Variants in MICALL2 observed in about 807,000 individuals in gnomAD.
The protein encoded by MICALL2 is MICAL-like protein 2.
In MICALL2, 111 loss-of-function variants were observed where a neutral mutation model predicts 91.1. That is an observed-to-expected ratio of 1.22 (90% CI 1.04 to 1.43). MICALL2 has a LOEUF of 1.43. Ranked by LOEUF, MICALL2 falls within the 40% of genes most tolerant of loss-of-function variation. The probability of loss-of-function intolerance (pLI) is 0.00; values close to 1 mark genes in which losing one functional copy is unlikely to be tolerated. For missense variants in MICALL2, 1,556 were observed against 1,236.0 expected (o/e 1.26, Z -3.88); for synonymous variants, 694 against 525.3 (o/e 1.32, Z -4.39).
chr7:1,445,971 G>A (rs1780556209), intron 5 of MICALL2, among the ~76,000 whole-genome samples: 1 of 151,148 alleles, frequency 6.6e-6, no homozygotes, highest in African/African-American at 2.4e-5. Flanking sequence ...AGGCACAGAA[G>A]GGAGACTGAG....
At chr7:1,439,770 A>G in intron 9 of MICALL2, 155 bp downstream of exon 9, 1 of 546,882 alleles carries the variant, frequency 1.8e-6, no homozygotes, top group Non-Finnish European at 3.0e-6. Flanking sequence ...ACATGTACAC[A>G]CAAGCCTGCC....
chr7:1,458,101 A>C (rs887758856), intron 1 of MICALL2, among the ~76,000 whole-genome samples: 2 of 152,240 alleles, frequency 1.3e-5, no homozygotes, highest in African/African-American at 4.8e-5. Flanking sequence ...ACAACCTCAG[A>C]GCAGGGGCCG....
chr7:1,441,818 G>A (rs982540936), intron 7 of MICALL2: 16 of 274,640 alleles, frequency 5.8e-5, no homozygotes, highest in African/African-American at 2.7e-4. Context: ...GGCAGGAAGC[G>A]CAAAACACCA....
chr7:1,446,614 A>AGC, intron 5 of MICALL2, 99 bp downstream of exon 5: 1 of 661,128 alleles, frequency 1.5e-6, no homozygotes. Context: ...AGGAACGAGG[A>AGC]GCGGGGAGGA....
rs1276047157 is a variant in MICALL2, at chr7:1,440,305, T to C, written c.1806-220A>G. ...TGCGAAGCAGATTCCAGGCGTGAGC[T>C]CCGGGCCCCACGGGACCCACACATG... On this transcript the variant is annotated intron_variant, in intron 8 of 16. Coordinates refer to ENST00000297508, the MANE Select transcript of MICALL2 (RefSeq NM_182924.4). 9.2e-6 allele frequency: 6 copies of C among 650,028 alleles called. No homozygotes were observed. In the East Asian group the frequency reaches 1.4e-4, roughly 15 times the overall value. The allele number at this position is 650,028 out of a possible 1,614,324, so 40.3% of individuals were successfully genotyped here.
chr7:1,444,593 G>GC, intron 6 of MICALL2, 59 bp downstream of exon 6: 1 of 1,525,892 alleles, frequency 6.6e-7, no homozygotes, highest in Non-Finnish European at 8.8e-7. Flanking sequence ...GGCCTCCGGG[G>GC]CCCCGCTGGC....
intron 1 of MICALL2, 149 bp downstream of exon 1, chr7:1,459,035 A>C (rs1781117564): frequency 1.3e-6 from 1 of 764,942 alleles, no homozygotes; most frequent in Non-Finnish European, 2.0e-6. Flanking sequence ...GCCACTGAGG[A>C]CAGCCTCGGG....
chr7:1,453,429 T>C lies in MICALL2; in HGVS notation c.144-3141A>G, dbSNP rs187192908. ...GAGAGGCCGGGAAGATCCTCCCTCC[T>C]GCCCCCAGGAGGGCCCAGCCCTGCT... On this transcript the variant is annotated intron_variant, in intron 1 of 16. Transcript: ENST00000297508. 1.1e-3 allele frequency among the ~76,000 whole-genome samples: 165 copies of C among 152,228 alleles called. 1 individual carries two copies. Among genetic ancestry groups the C allele is most frequent in the African/African-American group, 3.7e-3 (153 of 41,568 alleles).
At chr7:1,443,671 G>A (rs531568294) in intron 6 of MICALL2, among the ~76,000 whole-genome samples, 10 of 152,314 alleles carry the variant, frequency 6.6e-5, no homozygotes, top group African/African-American at 2.4e-4. Flanking sequence ...GGAAACGGAG[G>A]CAGAGACTGG....
intron 4 of MICALL2, among the ~76,000 whole-genome samples, chr7:1,447,124 A>G (rs1780634339): frequency 1.3e-5 from 2 of 152,088 alleles, no homozygotes; most frequent in Non-Finnish European, 2.9e-5. Context: ...GATCCCATCC[A>G]ATTCCCACCA....
chr7:1,454,899 CA>C (rs1388870269), intron 1 of MICALL2, among the ~76,000 whole-genome samples: 7 of 152,206 alleles, frequency 4.6e-5, no homozygotes, highest in African/African-American at 1.7e-4. Flanking sequence ...CAGCCACCCC[CA>C]CTTCCTGGCC....
Position 1,440,081 on chromosome 7 carries a change from G to C in MICALL2, c.1810C>G (p.Leu604Val), listed in dbSNP as rs1780207193. 1.3e-6 allele frequency: 2 copies of C among 1,589,232 alleles called. No individual in the cohort carries two copies. Among genetic ancestry groups the C allele is most frequent in the African/African-American group, 1.4e-5 (1 of 72,938 alleles). The stretch of plus-strand genomic sequence containing the variant: ...AGGGCCCGTGGTTCCTTGGGCTTCA[G>C]AGTCCTGGGCAGAAGGCATGAGGTC... ...VDRRSPAERT[L>V]KPKEPRALAE... The change falls in exon 9 of 17, where the codon CTG (leucine) becomes GTG (valine). Residue 604 changes from leucine (L) to valine (V), a missense_variant. Coordinates refer to ENST00000297508, the MANE Select transcript of MICALL2 (RefSeq NM_182924.4).
chr7:1,444,765 T>G lies in MICALL2; in HGVS notation c.1305A>C (p.Arg435Ser). ...AVPPGTSLSG[R>S]GPTPSLVLSK... ...ATAGAACAAGTGACGGGGTGGGACC[T>G]CTGCCAGAAAGGCTGGTGCCGGGGG... The change falls in exon 6 of 17, where the codon AGA becomes AGC. Residue 435 changes from arginine (R) to serine (S), a missense_variant. Coordinates refer to ENST00000297508, the MANE Select transcript of MICALL2 (RefSeq NM_182924.4). 1 of 1,612,114 alleles carries G rather than the reference T, an allele frequency of 6.2e-7. No homozygotes were observed. Among genetic ancestry groups the G allele is most frequent in the Non-Finnish European group, 8.5e-7 (1 of 1,179,688 alleles).
rs755331435 is a variant in MICALL2 at position 1,436,815 on chromosome 7, G to A, written c.2518C>T (p.Leu840=). 3.1e-6 allele frequency: 5 copies of A among 1,606,006 alleles called. 1 individual carries two copies. In the African/African-American group the frequency reaches 5.4e-5, roughly 17 times the overall value. ...SLQERRREQE[L]LEQYVSTVND... ...ACGGTGCTCACGTACTGCTCCAGCA[G>A]CTCCTGCTCCCGCCGCCGCTCCTGC... Residue 840 remains leucine (L), a synonymous_variant, in exon 15 of 17, where the codon CTG becomes TTG. Transcript: ENST00000297508.
chr7:1,442,483 G>A lies in MICALL2; in HGVS notation c.1420C>T (p.Pro474Ser), dbSNP rs74829114. Residue 474 changes from proline (P) to serine (S), a missense_variant and splice_region_variant, in exon 7 of 17, where the codon CCC becomes TCC. Coordinates refer to ENST00000297508, the MANE Select transcript of MICALL2 (RefSeq NM_182924.4). Reference sequence around the variant, plus strand: ...GGAACAGCGGCAGTGGCTGGGGAGGGCCTATAAGTAAAAGCGCAGGCATCA... The same window carrying A: ...GGAACAGCGGCAGTGGCTGGGGAGGACCTATAAGTAAAAGCGCAGGCATCA... ...EEAGAPAPGR[P>S]SPATAAVPSS... 4,398 of 1,525,368 alleles carry A rather than the reference G, an allele frequency of 2.9e-3. 129 individuals are homozygous for A. The African/African-American group carries it at 0.055, about 19-fold the overall frequency. 94.5% of individuals were successfully genotyped at this position (1,525,368 alleles called of 1,614,324 possible). A position where few individuals can be genotyped will look rare whatever the true frequency, so the allele number is the denominator to read the frequency against.
chr7:1,443,948 T>C (rs1331784800), intron 6 of MICALL2, among the ~76,000 whole-genome samples: 1 of 151,932 alleles, frequency 6.6e-6, no homozygotes, highest in Non-Finnish European at 1.5e-5. Context: ...GGCCCAGGCA[T>C]GGAAGGTCAG....
At chr7:1,437,306 A>G (rs1440637742) in intron 14 of MICALL2, 2 of 500,398 alleles carry the variant, frequency 4.0e-6, no homozygotes, top group East Asian at 3.2e-5. Context: ...TGCTACAAGC[A>G]TCCTCACTTT....
intron 1 of MICALL2, among the ~76,000 whole-genome samples, chr7:1,456,244 G>A (rs1453002762): frequency 6.8e-6 from 1 of 147,298 alleles, no homozygotes; most frequent in Non-Finnish European, 1.6e-5. Flanking sequence ...AATATAGCCA[G>A]AACCCATCTC....
At chr7:1,434,984 C>CA in intron 16 of MICALL2, 117 bp downstream of exon 16, 14 of 449,088 alleles carry the variant, frequency 3.1e-5, no homozygotes, top group Non-Finnish European at 4.6e-5. Flanking sequence ...ACCCGATACC[C>CA]GCCCCCCCCC....
Sources: allele counts gnomAD v4.1 joint callset (sites outside exome capture counted in the v4.1 genomes callset), GRCh38; gene constraint gnomAD v4.1.1; transcripts MANE v1.5; gene names NCBI Gene and HGNC (gene_info 2026-07-23, HGNC 2026-07-21).